The following ABCD3 variants were observed in gnomAD, a reference collection of about 807,000 sequenced individuals.
ABCD3 encodes the protein ATP-binding cassette sub-family D member 3.
ABCD3 carries 41 observed loss-of-function variants against 105.5 expected under a neutral mutation model. The ratio of observed to expected loss-of-function variants is 0.39; its 90% confidence interval spans 0.30 to 0.50. The LOEUF is 0.50. Among genes scored for constraint, ABCD3 ranks in the 20% least tolerant of loss-of-function variants. ABCD3 has a pLI of 0.84. For missense variants in ABCD3, 622 were observed against 806.3 expected (o/e 0.77, Z 2.77); for synonymous variants, 258 against 269.0 (o/e 0.96, Z 0.40).
chr1:94,385,240 TGA>T, the ABCD3 span, among the ~76,000 whole-genome samples: 1 of 151,734 alleles, frequency 6.6e-6, no homozygotes, highest in Non-Finnish European at 1.5e-5. Context: ...TCCCGAGAGG[TGA>T]GTGTTGGGGA....
chr1:94,493,692 C>T (rs1285649288), intron 16 of ABCD3, among the ~76,000 whole-genome samples: 11 of 152,040 alleles, frequency 7.2e-5, no homozygotes, highest in Non-Finnish European at 1.5e-4. Flanking sequence ...TGGAACCAAC[C>T]CAAATGTCCA....
intron 22 of ABCD3, among the ~76,000 whole-genome samples, chr1:94,516,754 C>T (rs1447565244): frequency 6.6e-6 from 1 of 151,754 alleles, no homozygotes; most frequent in Non-Finnish European, 1.5e-5. Context: ...CTCTTTTTCC[C>T]CTCTACTAAA....
At chr1:94,470,287 A>G (rs1361581544) in intron 4 of ABCD3, among the ~76,000 whole-genome samples, 2 of 152,148 alleles carry the variant, frequency 1.3e-5, no homozygotes, top group East Asian at 1.9e-4. Context: ...CTGGGTCTCA[A>G]CCTTGGCTGC....
intron 1 of ABCD3, among the ~76,000 whole-genome samples, chr1:94,456,966 T>C (rs1647604635): frequency 6.6e-6 from 1 of 152,198 alleles, no homozygotes; most frequent in Non-Finnish European, 1.5e-5. Context: ...TATTATCCCA[T>C]TGTGGTTTTG....
chr1:94,438,083 T>A (rs1157165414), intron 1 of ABCD3, among the ~76,000 whole-genome samples: 1 of 151,764 alleles, frequency 6.6e-6, no homozygotes, highest in East Asian at 1.9e-4. Flanking sequence ...GGTCAGGAGA[T>A]CGAGACCATC....
chr1:94,432,135 C>T (rs534748842), intron 1 of ABCD3, among the ~76,000 whole-genome samples: 11 of 152,298 alleles, frequency 7.2e-5, no homozygotes, highest in African/African-American at 2.2e-4. Flanking sequence ...TTATCCAGTA[C>T]GTTCTGTTGA....
At chr1:94,488,053 C>G in intron 13 of ABCD3, 70 bp downstream of exon 13, 1 of 1,282,276 alleles carries the variant, frequency 7.8e-7, no homozygotes, top group Non-Finnish European at 1.1e-6. Context: ...ATGATTGTAT[C>G]AGTTGAGATT....
intron 16 of ABCD3, among the ~76,000 whole-genome samples, chr1:94,494,895 A>G (rs1002102204): frequency 7.2e-5 from 11 of 152,170 alleles, no homozygotes; most frequent in Admixed American, 6.5e-5. Context: ...CCTGGGCAAC[A>G]TGGCAAAACC....
rs780789756 is a variant in ABCD3, at chr1:94,430,932, C to T, written c.110+12344C>T. On this transcript the variant is annotated intron_variant, in intron 1 of 22. Coordinates refer to ENST00000370214, the MANE Select transcript of ABCD3 (RefSeq NM_002858.4). ...AGAAGGGAGAAAACACCTTTTCTAA[C>T]GTTTATCATTAGTGTCATATTTTAT... is the stretch of plus-strand genomic sequence containing the variant. Among the ~76,000 whole-genome samples the T allele has an allele frequency of 3.0e-4, 46 of 152,212 alleles. 1 individual carries two copies. The highest frequency in any genetic ancestry group is 5.8e-4 in the East Asian group (3 of 5,190).
At chr1:94,452,020 A>G (rs763743985) in intron 1 of ABCD3, among the ~76,000 whole-genome samples, 31 of 152,176 alleles carry the variant, frequency 2.0e-4, no homozygotes, top group South Asian at 1.2e-3. Context: ...TTGTTCAGGC[A>G]TTCATCATCT....
chr1:94,418,626 G>A, intron 1 of ABCD3, 38 bp downstream of exon 1: 1 of 1,553,522 alleles, frequency 6.4e-7, no homozygotes, highest in Admixed American at 1.9e-5. Flanking sequence ...TCCCGGGCTG[G>A]AGCGGGCGCT....
At chr1:94,495,852 A>G (rs987781707) in intron 16 of ABCD3, among the ~76,000 whole-genome samples, 1 of 152,224 alleles carries the variant, frequency 6.6e-6, no homozygotes, top group Non-Finnish European at 1.5e-5. Flanking sequence ...CTGTTACAGT[A>G]GAGTATGATT....
intron 1 of ABCD3, among the ~76,000 whole-genome samples, chr1:94,430,497 G>A (rs1158188352): frequency 1.2e-4 from 18 of 152,160 alleles, no homozygotes; most frequent in Admixed American, 1.2e-3. Flanking sequence ...TTCCTGTGCT[G>A]TTCTAGTGAT....
At chr1:94,513,716 A>G (rs1650793813) in intron 21 of ABCD3, 1 of 152,040 alleles carries the variant, frequency 6.6e-6, no homozygotes, top group African/African-American at 2.4e-5. Flanking sequence ...ATTTTGACTT[A>G]TATACTTCAT....
At position 94,418,458 on chromosome 1, in the gene ABCD3, C is replaced by T. The variant is rs1413827134; in HGVS notation, c.-21C>T. ...CGCCGCCGCCGCGTCCCCTCGCCGG[C>T]TCGCTGGTACCGGCAGTGCCATGGC... On this transcript the variant is annotated 5_prime_UTR_variant, in exon 1 of 23. Transcript: ENST00000370214. 1.3e-6 allele frequency: 2 copies of T among 1,577,838 alleles called. No individual in the cohort carries two copies. Among genetic ancestry groups the T allele is most frequent in the Non-Finnish European group, 8.6e-7 (1 of 1,165,178 alleles).
chr1:94,440,935 G>C (rs747661652), intron 1 of ABCD3, among the ~76,000 whole-genome samples: 1 of 152,022 alleles, frequency 6.6e-6, no homozygotes, highest in Non-Finnish European at 1.5e-5. Flanking sequence ...AGAATAATTG[G>C]TTAGCCATTG....
intron 1 of ABCD3, among the ~76,000 whole-genome samples, chr1:94,438,157 T>C (rs1415074003): frequency 1.3e-5 from 2 of 151,844 alleles, no homozygotes; most frequent in African/African-American, 4.8e-5. Flanking sequence ...TGTGGTGGCA[T>C]GCGCCTGTAG....
intron 1 of ABCD3, among the ~76,000 whole-genome samples, chr1:94,449,226 C>T (rs550045694): frequency 1.3e-5 from 2 of 152,306 alleles, no homozygotes; most frequent in South Asian, 2.1e-4. Context: ...CCCGTAGTTG[C>T]AGCCATGTCG....
At chr1:94,421,923 A>G (rs953147174) in intron 1 of ABCD3, among the ~76,000 whole-genome samples, 1 of 152,202 alleles carries the variant, frequency 6.6e-6, no homozygotes, top group Non-Finnish European at 1.5e-5. Context: ...AGAAGCTCAG[A>G]TATGATCATA....
Sources: gnomAD v4.1 joint callset for allele counts (sites outside exome capture counted in the v4.1 genomes callset) on GRCh38, gnomAD v4.1.1 for gene constraint, MANE v1.5 for transcripts, NCBI Gene and HGNC (gene_info 2026-07-23, HGNC 2026-07-21) for gene names.